Variants in XRCC6 observed in about 807,000 individuals in gnomAD.
XRCC6 encodes the protein DNA repair protein Ku70.
XRCC6 carries 5 observed loss-of-function variants against 65.7 expected under a neutral mutation model. That is an observed-to-expected ratio of 0.08 (90% CI 0.04 to 0.16). XRCC6 has a LOEUF of 0.16. XRCC6 is among the 10% of genes least tolerant of loss of function. XRCC6 has a pLI of 1.00. For missense variants in XRCC6, 447 were observed against 738.1 expected (o/e 0.61, Z 4.57); for synonymous variants, 270 against 270.6 (o/e 1.00, Z 0.02).
At chr22:41,655,004 T>G (rs1486339595) in intron 9 of XRCC6, among the ~76,000 whole-genome samples, 1 of 152,228 alleles carries the variant, frequency 6.6e-6, no homozygotes, top group Non-Finnish European at 1.5e-5. Flanking sequence ...ATCATCTGTT[T>G]GTTCAGCATC....
At chr22:41,661,101 A>G (rs911094428) in intron 11 of XRCC6, among the ~76,000 whole-genome samples, 1 of 152,176 alleles carries the variant, frequency 6.6e-6, no homozygotes, top group Non-Finnish European at 1.5e-5. Flanking sequence ...AGAAGGAGTA[A>G]ATAGAGTAAG....
chr22:41,663,765 C>T lies in XRCC6; in HGVS notation c.1780C>T (p.Leu594=), dbSNP rs2068122036. The T allele has an allele frequency of 3.7e-6, 6 of 1,613,802 alleles. 1 individual carries two copies. In the African/African-American group the frequency reaches 4.0e-5, roughly 11 times the overall value. ...CCGGGCTTACGGGCTGAAGAGTGGG[C>T]TGAAGAAGCAGGAGCTGCTGGAAGC... ...ACRAYGLKSG[L]KKQELLEALT... The change falls in exon 13 of 13, where the codon CTG becomes TTG. Residue 594 remains leucine (L), a synonymous_variant. Coordinates refer to ENST00000360079, the MANE Select transcript of XRCC6 (RefSeq NM_001469.5).
chr22:41,643,659 A>G (rs911444732), intron 6 of XRCC6, among the ~76,000 whole-genome samples: 3 of 151,876 alleles, frequency 2.0e-5, no homozygotes, highest in African/African-American at 7.3e-5. Context: ...CGTCTCTACT[A>G]AAAATACAAA....
intron 9 of XRCC6, among the ~76,000 whole-genome samples, chr22:41,655,230 C>G (rs1460204478): frequency 6.6e-6 from 1 of 151,386 alleles, no homozygotes; most frequent in Non-Finnish European, 1.5e-5. Flanking sequence ...GAGTTCTTGA[C>G]TTTAAGGAGG....
At chr22:41,646,219 C>A (rs541927677) in intron 6 of XRCC6, among the ~76,000 whole-genome samples, 2 of 151,950 alleles carry the variant, frequency 1.3e-5, no homozygotes, top group South Asian at 4.2e-4. Context: ...AGGAGAATCG[C>A]TTGAACCCGG....
chr22:41,635,002 C>T (rs1452849899), intron 3 of XRCC6, among the ~76,000 whole-genome samples: 1 of 152,162 alleles, frequency 6.6e-6, no homozygotes, highest in Non-Finnish European at 1.5e-5. Context: ...GACTTATTTT[C>T]AGGTCACATG....
At chr22:41,647,106 T>C (rs375248160) in intron 7 of XRCC6, 24 bp downstream of exon 7, 2 of 1,609,986 alleles carry the variant, frequency 1.2e-6, no homozygotes, top group African/African-American at 2.7e-5. Context: ...CCTTTTGTTG[T>C]TGTTGTTTTT....
intron 9 of XRCC6, among the ~76,000 whole-genome samples, chr22:41,655,162 G>A (rs1056092381): frequency 2.6e-5 from 4 of 152,104 alleles, no homozygotes; most frequent in African/African-American, 7.2e-5. Context: ...AGTGGTGCTG[G>A]CAGTTTGGAT....
chr22:41,651,669 AG>A (rs1463133627), intron 8 of XRCC6, among the ~76,000 whole-genome samples: 1 of 151,592 alleles, frequency 6.6e-6, no homozygotes, highest in African/African-American at 2.4e-5. Context: ...CTGGGATTAC[AG>A]GCACCTGCTA....
chr22:41,634,216 C>T (rs993600611), intron 3 of XRCC6, among the ~76,000 whole-genome samples: 1 of 149,838 alleles, frequency 6.7e-6, no homozygotes, highest in African/African-American at 2.5e-5. Context: ...GACAGGGTCT[C>T]GCTCTGTCAT....
Position 41,636,558 on chromosome 22 carries a change from A to G in XRCC6, c.377A>G (p.Gln126Arg). ...GAGCTTGACCAGTTTAAGGGGCAGC[A>G]GGGACAAAAACGTTTCCAAGACATG... Reference protein sequence around the residue: ...ILELDQFKGQQGQKRFQDMMG... With the variant: ...ILELDQFKGQRGQKRFQDMMG... Residue 126 changes from glutamine (Q) to arginine (R), a missense_variant, in exon 5 of 13, where the codon CAG becomes CGG. By Grantham distance (43) the Gln-to-Arg change is conservative. Around this residue, in one of 4 missense-constraint regions of XRCC6, gnomAD observed 228 missense variants for 307.4 expected, o/e 0.74. Coordinates refer to ENST00000360079, the MANE Select transcript of XRCC6 (RefSeq NM_001469.5). 1 of 1,613,998 alleles carries G rather than the reference A, an allele frequency of 6.2e-7. No homozygotes were observed. The highest frequency in any genetic ancestry group is 8.5e-7 in the Non-Finnish European group (1 of 1,179,886).
At chr22:41,633,954 A>C (rs2067783658) in intron 3 of XRCC6, among the ~76,000 whole-genome samples, 1 of 152,218 alleles carries the variant, frequency 6.6e-6, no homozygotes, top group Non-Finnish European at 1.5e-5. Context: ...TTAGAACCTA[A>C]AAGGAGCCCT....
intron 3 of XRCC6, among the ~76,000 whole-genome samples, chr22:41,629,959 C>T (rs538384592): frequency 6.7e-5 from 10 of 149,442 alleles, no homozygotes; most frequent in Admixed American, 4.0e-4. Context: ...AGCCACTGCG[C>T]CCAGCCTTGT....
chr22:41,653,695 G>A lies in XRCC6; in HGVS notation c.1291+5G>A. 6.2e-7 allele frequency: 1 copy of A among 1,612,878 alleles called. No individual in the cohort carries two copies. The stretch of plus-strand genomic sequence containing the variant: ...AAATTCAGGTGACTCCTCCAGGTAT[G>A]TGGCAGAGATATTTCCAGGGCTTCT... On this transcript the variant is annotated splice_donor_5th_base_variant and intron_variant, in intron 9 of 12. Transcript: ENST00000360079.
intron 2 of XRCC6, among the ~76,000 whole-genome samples, chr22:41,624,964 T>C (rs2067653822): frequency 6.6e-6 from 1 of 151,800 alleles, no homozygotes; most frequent in Non-Finnish European, 1.5e-5. Context: ...GCCACTGCTC[T>C]CCAGCCTGGG....
chr22:41,649,374 CTA>C (rs2067972417), intron 7 of XRCC6, among the ~76,000 whole-genome samples: 1 of 150,102 alleles, frequency 6.7e-6, no homozygotes, highest in South Asian at 2.1e-4. Flanking sequence ...CAGGATCTCA[CTA>C]TGTTACCCAG....
chr22:41,625,716 A>G (rs903137247), intron 2 of XRCC6, among the ~76,000 whole-genome samples: 12 of 152,166 alleles, frequency 7.9e-5, no homozygotes, highest in Non-Finnish European at 1.3e-4. Flanking sequence ...TGTAATCCCA[A>G]TACTTTGGGA....
intron 3 of XRCC6, among the ~76,000 whole-genome samples, chr22:41,634,647 C>T (rs1037581786): frequency 6.6e-6 from 1 of 151,672 alleles, no homozygotes; most frequent in Non-Finnish European, 1.5e-5. Context: ...TGGGTTCAAG[C>T]GATTCTCCTG....
At chr22:41,651,096 A>G (rs542831450) in intron 8 of XRCC6, among the ~76,000 whole-genome samples, 2 of 152,280 alleles carry the variant, frequency 1.3e-5, no homozygotes, top group Non-Finnish European at 2.9e-5. Context: ...ACCTGAGGTC[A>G]GGACGAGCCT....
Sources: gnomAD v4.1 joint callset for allele counts (sites outside exome capture counted in the v4.1 genomes callset) on GRCh38, gnomAD v4.1.1 for gene constraint, gnomAD v4.1.1 regional missense constraint, MANE v1.5 for transcripts, NCBI Gene and HGNC (gene_info 2026-07-23, HGNC 2026-07-21) for gene names.